Variants in MTUS1 observed in about 807,000 individuals in gnomAD.
MTUS1 encodes microtubule associated scaffold protein 1.
MTUS1 carries 109 observed loss-of-function variants against 120.8 expected under a neutral mutation model. The observed-to-expected ratio is 0.90, with a 90% confidence interval of 0.77 to 1.06. MTUS1 has a LOEUF of 1.06. MTUS1 is among the 50% of genes least tolerant of loss of function. The pLI, the probability that MTUS1 is intolerant of heterozygous loss-of-function variation, is 0.00. For missense variants in MTUS1, 2,210 were observed against 1,486.3 expected (o/e 1.49, Z -8.01); for synonymous variants, 737 against 550.5 (o/e 1.34, Z -4.74).
At chr8:17,784,720 G>A (rs2051155892) in intron 1 of MTUS1, among the ~76,000 whole-genome samples, 4 of 152,046 alleles carry the variant, frequency 2.6e-5, no homozygotes, top group African/African-American at 9.7e-5. Context: ...CAGAATGGGG[G>A]CATTTCTCAC....
intron 6 of MTUS1, chr8:17,697,559 G>A (rs1303483960): frequency 2.2e-6 from 3 of 1,368,256 alleles, no homozygotes; most frequent in Non-Finnish European, 2.8e-6. Flanking sequence ...GGCTGGCCAA[G>A]TGTTTCTGGC....
At chr8:17,773,398 T>C (rs965073467) in intron 1 of MTUS1, among the ~76,000 whole-genome samples, 61 of 152,312 alleles carry the variant, frequency 4.0e-4, no homozygotes, top group African/African-American at 1.4e-3. Context: ...TCTATATCAA[T>C]GGCTTTCCTA....
intron 9 of MTUS1, among the ~76,000 whole-genome samples, chr8:17,655,322 T>G (rs1188218406): frequency 1.3e-5 from 2 of 152,018 alleles, no homozygotes; most frequent in South Asian, 2.1e-4. Context: ...AAAACAATAG[T>G]TTGGCAACAC....
At chr8:17,688,011 C>T (rs981179478) in intron 6 of MTUS1, among the ~76,000 whole-genome samples, 1 of 152,188 alleles carries the variant, frequency 6.6e-6, no homozygotes, top group Admixed American at 6.5e-5. Flanking sequence ...TAACCACATA[C>T]TAGCAGCTGA....
chr8:17,671,229 G>A (rs953771876), intron 8 of MTUS1, among the ~76,000 whole-genome samples: 3 of 151,774 alleles, frequency 2.0e-5, no homozygotes, highest in African/African-American at 4.8e-5. Context: ...GGAGCTGCCG[G>A]CTGTTTTCTT....
At chr8:17,718,443 T>G (rs774747018) in intron 4 of MTUS1, among the ~76,000 whole-genome samples, 8 of 152,088 alleles carry the variant, frequency 5.3e-5, no homozygotes, top group African/African-American at 9.7e-5. Flanking sequence ...GGTCTGAATA[T>G]CGGGTATGGG....
intron 6 of MTUS1, among the ~76,000 whole-genome samples, chr8:17,694,659 C>T (rs1817612066): frequency 6.6e-6 from 1 of 151,672 alleles, no homozygotes; most frequent in African/African-American, 2.4e-5. Context: ...CAGAGCGAGA[C>T]TCCATCTAAA....
intron 1 of MTUS1, among the ~76,000 whole-genome samples, chr8:17,784,345 G>C (rs1434639198): frequency 3.6e-5 from 5 of 139,616 alleles, no homozygotes; most frequent in Non-Finnish European, 6.0e-5. Flanking sequence ...GCCCAGGCTA[G>C]AGTGCAATGT....
At chr8:17,777,237 G>A (rs368002) in intron 1 of MTUS1, among the ~76,000 whole-genome samples, 23,192 of 151,892 alleles carry the variant, frequency 0.15, 2,453 homozygotes, top group East Asian at 0.46. Flanking sequence ...ATGAGTTCGA[G>A]ACCAGCCTGG....
At chr8:17,767,820 T>C (rs2049678270) in intron 1 of MTUS1, among the ~76,000 whole-genome samples, 2 of 152,030 alleles carry the variant, frequency 1.3e-5, no homozygotes, top group African/African-American at 4.8e-5. Context: ...GAGTTTGGCT[T>C]CTACTCTGAG....
chr8:17,698,381 T>C (rs1192313410), intron 6 of MTUS1, among the ~76,000 whole-genome samples: 1 of 53,134 alleles, frequency 1.9e-5, no homozygotes, highest in Non-Finnish European at 4.4e-5. Context: ...TAAAACATGA[T>C]AGCAAAACCA....
At chr8:17,790,902 G>A (rs563457845) in intron 1 of MTUS1, among the ~76,000 whole-genome samples, 114 of 152,194 alleles carry the variant, frequency 7.5e-4, no homozygotes, top group African/African-American at 2.6e-3. Context: ...CAGGAGAATC[G>A]CTTGAATCCG....
At chr8:17,774,840 T>G (rs2050285794) in intron 1 of MTUS1, among the ~76,000 whole-genome samples, 2 of 152,046 alleles carry the variant, frequency 1.3e-5, no homozygotes. Flanking sequence ...AAGGTGTCAG[T>G]GGCCACCACT....
At chr8:17,682,712 G>A (rs1814826821) in intron 7 of MTUS1, among the ~76,000 whole-genome samples, 1 of 151,986 alleles carries the variant, frequency 6.6e-6, no homozygotes, top group Middle Eastern at 3.4e-3. Flanking sequence ...GGGGCTATTA[G>A]GCTAGATATA....
At chr8:17,776,864 T>C (rs1410602446) in intron 1 of MTUS1, among the ~76,000 whole-genome samples, 4 of 152,082 alleles carry the variant, frequency 2.6e-5, no homozygotes, top group African/African-American at 7.2e-5. Flanking sequence ...TAAGGAAATA[T>C]ATGCGTAATA....
chr8:17,692,939 G>A (rs955482873), intron 6 of MTUS1, among the ~76,000 whole-genome samples: 4 of 152,294 alleles, frequency 2.6e-5, no homozygotes, highest in Non-Finnish European at 4.4e-5. Context: ...ACGTACACAT[G>A]TTCCTCCCTT....
intron 3 of MTUS1, among the ~76,000 whole-genome samples, chr8:17,726,992 T>G (rs370425445): frequency 6.6e-6 from 1 of 152,098 alleles, no homozygotes; most frequent in Non-Finnish European, 1.5e-5. Flanking sequence ...GCCTGGGAAT[T>G]ACTACAGAAG....
At chr8:17,647,637 G>A (rs937634651) in intron 13 of MTUS1, among the ~76,000 whole-genome samples, 1 of 152,150 alleles carries the variant, frequency 6.6e-6, no homozygotes. Context: ...CATCAAAGAA[G>A]TAACATGCCA....
intron 6 of MTUS1, among the ~76,000 whole-genome samples, chr8:17,692,787 C>T (rs1445759953): frequency 6.6e-6 from 1 of 152,074 alleles, no homozygotes; most frequent in African/African-American, 2.4e-5. Context: ...AGAATCTGTA[C>T]AATAAACTCT....
Sources: allele counts gnomAD v4.1 joint callset (sites outside exome capture counted in the v4.1 genomes callset), GRCh38; gene constraint gnomAD v4.1.1; transcripts MANE v1.5; gene names NCBI Gene and HGNC (gene_info 2026-07-23, HGNC 2026-07-21).